The following MMP26 variants were observed in gnomAD, a reference collection of about 807,000 sequenced individuals.
MMP26 encodes matrix metallopeptidase 26, also known as matrix metalloproteinase-26.
A neutral mutation model predicts 31.0 loss-of-function variants in MMP26; 33 were observed. The ratio of observed to expected loss-of-function variants is 1.06; its 90% CI spans 0.81 to 1.42. The LOEUF is 1.42. MMP26 is among the 40% of genes most tolerant of loss of function. The pLI, the probability that MMP26 is intolerant of heterozygous loss-of-function variation, is 0.00. For missense variants in MMP26, 347 were observed against 316.1 expected (o/e 1.10, Z -0.74); for synonymous variants, 122 against 114.9 (o/e 1.06, Z -0.40).
chr11:4,954,254 T>A (rs1846404071), intron 2 of MMP26, among the ~76,000 whole-genome samples: 1 of 123,292 alleles, frequency 8.1e-6, no homozygotes. Context: ...GGGGCGGGGA[T>A]TGGACTGAAA....
At position 4,947,930 on chromosome 11, in the gene MMP26, T is replaced by C. The variant is rs1339744329; in HGVS notation, c.-144-40138T>C. Among the ~76,000 whole-genome samples, 2 of 125,052 alleles carry C rather than the reference T, an allele frequency of 1.6e-5. 1 individual carries two copies. Among genetic ancestry groups the C allele is most frequent in the Admixed American group, 1.8e-4 (2 of 11,286 alleles). 82.0% of individuals were successfully genotyped at this position (125,052 alleles called of 152,430 possible). ...GATGGATAGTTGGCTTGTGTATTACTCGTCTGCACAAGGCCAAGTCTAAGC... is the reference window on the plus strand; with the variant it reads ...GATGGATAGTTGGCTTGTGTATTACCCGTCTGCACAAGGCCAAGTCTAAGC... On this transcript the variant is annotated intron_variant, in intron 2 of 7. Transcript: ENST00000380390.
At chr11:4,869,455 A>G (rs1355023368) in intron 2 of MMP26, among the ~76,000 whole-genome samples, 1 of 152,250 alleles carries the variant, frequency 6.6e-6, no homozygotes, top group East Asian at 1.9e-4. Context: ...CAGCCAACAG[A>G]CACATGGAAA....
chr11:4,852,721 T>C (rs1849992883), intron 2 of MMP26, among the ~76,000 whole-genome samples: 1 of 152,148 alleles, frequency 6.6e-6, no homozygotes, highest in Non-Finnish European at 1.5e-5. Flanking sequence ...TCTGGATATG[T>C]ATTCAATGGA....
At chr11:4,838,100 G>T (rs1017081270) in intron 2 of MMP26, among the ~76,000 whole-genome samples, 1 of 150,890 alleles carries the variant, frequency 6.6e-6, no homozygotes, top group African/African-American at 2.4e-5. Context: ...GGCGGATCAC[G>T]AGGTCAGGAG....
At chr11:4,939,436 T>C (rs113275802) in intron 2 of MMP26, among the ~76,000 whole-genome samples, 2,847 of 152,276 alleles carry the variant, frequency 0.019, 35 homozygotes, top group Middle Eastern at 0.037. Context: ...CCCTTCTTAA[T>C]ATCTCAGAAC....
intron 2 of MMP26, among the ~76,000 whole-genome samples, chr11:4,963,161 G>A (rs1440878853): frequency 6.6e-6 from 1 of 152,048 alleles, no homozygotes; most frequent in Non-Finnish European, 1.5e-5. Context: ...AAAATACTTA[G>A]GAATACAACT....
At position 4,951,962 on chromosome 11, in the gene MMP26, C is replaced by T. The variant is rs1194503317; in HGVS notation, c.-144-36106C>T. 1.6e-5 allele frequency among the ~76,000 whole-genome samples: 2 copies of T among 124,424 alleles called. 1 individual carries two copies. Among genetic ancestry groups the T allele is most frequent in the African/African-American group, 5.5e-5 (2 of 36,672 alleles). The allele number at this position is 124,424 out of a possible 152,430, so 81.6% of individuals were successfully genotyped here. On this transcript the variant is annotated intron_variant, in intron 2 of 7. Transcript: ENST00000380390. ...GCATGTAAGTTAGCGGTGATAACAACTTCTTTGCAGCACTTAAGTGTCCTG... is the reference window on the plus strand; with the variant it reads ...GCATGTAAGTTAGCGGTGATAACAATTTCTTTGCAGCACTTAAGTGTCCTG...
chr11:4,898,640 A>G (rs944404169), intron 2 of MMP26, among the ~76,000 whole-genome samples: 1 of 152,182 alleles, frequency 6.6e-6, no homozygotes, highest in African/African-American at 2.4e-5. Flanking sequence ...TGTTAAAAGA[A>G]TATTTTTATT....
rs951297311 is a variant in MMP26, at chr11:4,990,642, A to G, written c.365A>G (p.Asp122Gly). Reference protein sequence around the residue: ...PHDMKPSAVKDSIYNAVSIWS... With the variant: ...PHDMKPSAVKGSIYNAVSIWS... ...GATATGAAGCCATCCGCAGTGAAAG[A>G]CAGTATATATAATGCAGTTTCCATC... Residue 122 changes from aspartate to glycine, a missense_variant, in exon 5 of 8, where the codon GAC becomes GGC. By Grantham distance (94) the Asp-to-Gly change is moderately conservative. Coordinates refer to ENST00000380390, the MANE Select transcript of MMP26 (RefSeq NM_021801.5). 4.3e-6 allele frequency: 7 copies of G among 1,614,078 alleles called. No homozygotes were observed. The highest frequency in any genetic ancestry group is 4.2e-6 in the Non-Finnish European group (5 of 1,179,964).
intron 2 of MMP26, chr11:4,924,442 T>C: frequency 8.2e-7 from 1 of 1,215,858 alleles, no homozygotes; most frequent in Non-Finnish European, 1.1e-6. Context: ...GATCAGCCAG[T>C]AAGGAAGCAT....
Position 4,821,502 on chromosome 11 carries a change from C to T in MMP26, c.-145+54161C>T, listed in dbSNP as rs766815944. ...TTCCAGGCCTGAAAGCCACCCAGTA[C>T]TGGATCTCCATCCCTTTTTGTCTCC... On this transcript the variant is annotated intron_variant, in intron 2 of 7. Transcript: ENST00000380390. The T allele has an allele frequency of 1.9e-6, 3 of 1,612,318 alleles. No individual in the cohort carries two copies. The South Asian group carries it at 3.3e-5, about 18-fold the overall frequency.
chr11:4,799,546 C>T (rs1849154041), intron 2 of MMP26, among the ~76,000 whole-genome samples: 1 of 152,108 alleles, frequency 6.6e-6, no homozygotes, highest in South Asian at 2.1e-4. Context: ...AGGGTACAAA[C>T]ATCCAAAATG....
chr11:4,951,975 C>T (rs58286545), intron 2 of MMP26, among the ~76,000 whole-genome samples: 1,931 of 124,286 alleles, frequency 0.016, 415 homozygotes, highest in African/African-American at 0.045. Context: ...CTTTGCAGCA[C>T]TTAAGTGTCC....
chr11:4,870,127 C>G (rs546238629), intron 2 of MMP26, among the ~76,000 whole-genome samples: 16 of 152,080 alleles, frequency 1.1e-4, no homozygotes, highest in African/African-American at 3.4e-4. Context: ...ATGTAAATGA[C>G]AAGTTAATGG....
chr11:4,850,799 A>T (rs1849965184), intron 2 of MMP26, among the ~76,000 whole-genome samples: 1 of 151,496 alleles, frequency 6.6e-6, no homozygotes, highest in Admixed American at 6.6e-5. Context: ...AGACTTTTAA[A>T]AAGCAATAAA....
intron 2 of MMP26, among the ~76,000 whole-genome samples, chr11:4,792,343 C>T (rs959545457): frequency 5.3e-5 from 8 of 152,216 alleles, no homozygotes; most frequent in Non-Finnish European, 7.4e-5. Flanking sequence ...GAGTTTTTAA[C>T]GGGCCTAAGT....
At chr11:4,903,990 C>CTAA (rs1850843486) in intron 2 of MMP26, 2 of 151,916 alleles carry the variant, frequency 1.3e-5, no homozygotes, top group South Asian at 4.1e-4. Context: ...TTCTAATGCC[C>CTAA]TAATATCAGT....
intron 1 of MMP26, among the ~76,000 whole-genome samples, chr11:4,756,482 G>A (rs1848505461): frequency 6.7e-6 from 1 of 149,476 alleles, no homozygotes; most frequent in African/African-American, 2.5e-5. Context: ...ACTTAAATAA[G>A]TTTTTTTTTT....
intron 2 of MMP26, among the ~76,000 whole-genome samples, chr11:4,976,669 CA>C (rs2133636805): frequency 6.6e-6 from 1 of 152,068 alleles, no homozygotes; most frequent in South Asian, 2.1e-4. Flanking sequence ...CCTCAGGAAG[CA>C]AGACCCAGAG....
Sources: allele counts gnomAD v4.1 joint callset (sites outside exome capture counted in the v4.1 genomes callset), GRCh38; gene constraint gnomAD v4.1.1; transcripts MANE v1.5; gene names NCBI Gene and HGNC (gene_info 2026-07-23, HGNC 2026-07-21).